Variants in KPNA7 observed in about 807,000 individuals in gnomAD.
KPNA7 encodes the protein importin subunit alpha-8.
In KPNA7, 54 loss-of-function variants were observed where a neutral mutation model predicts 53.7. The observed-to-expected ratio is 1.01, with a 90% CI of 0.81 to 1.26. The LOEUF (loss-of-function observed/expected upper bound fraction) is 1.26, where lower values mean the gene tolerates loss of function less well. Among genes scored for constraint, KPNA7 ranks in the 50% most tolerant of loss-of-function variants. The probability of loss-of-function intolerance (pLI) is 0.00; values close to 1 mark genes in which losing one functional copy is unlikely to be tolerated. For synonymous variants in KPNA7, 276 were observed against 259.3 expected (o/e 1.06, Z -0.62); for missense variants, 640 against 644.5 (o/e 0.99, Z 0.07).
Position 99,195,207 on chromosome 7 carries a change from G to A in KPNA7, c.416C>T (p.Thr139Ile), listed in dbSNP as rs1336097278. Residue 139 changes from threonine (T) to isoleucine (I), a missense_variant, in exon 5 of 11, where the codon ACC (threonine) becomes ATC (isoleucine). Physicochemically the swap from Thr to Ile is moderately conservative, Grantham distance 89. Transcript: ENST00000327442. ...CTCCGAAGTCCCTGAAGCGATGTTGGTCAGGGCCCAGGCAGCCTCAAACTG... is the reference window on the plus strand; with the variant it reads ...CTCCGAAGTCCCTGAAGCGATGTTGATCAGGGCCCAGGCAGCCTCAAACTG... ...CLQFEAAWAL[T>I]NIASGTSEQT... The A allele has an allele frequency of 6.4e-7, 1 of 1,551,622 alleles. No individual in the cohort carries two copies. Among genetic ancestry groups the A allele is most frequent in the Non-Finnish European group, 8.7e-7 (1 of 1,146,992 alleles).
At chr7:99,200,548 A>T (rs1306010457) in intron 3 of KPNA7, among the ~76,000 whole-genome samples, 1 of 152,246 alleles carries the variant, frequency 6.6e-6, no homozygotes, top group African/African-American at 2.4e-5. Flanking sequence ...AGAGTGAAAC[A>T]GGCTTAGTTC....
intron 3 of KPNA7, among the ~76,000 whole-genome samples, chr7:99,197,028 AC>A (rs1790264589): frequency 7.8e-6 from 1 of 128,430 alleles, no homozygotes; most frequent in African/African-American, 2.8e-5. Flanking sequence ...AAAAACAACA[AC>A]AACAACAACA....
the KPNA7 span, among the ~76,000 whole-genome samples, chr7:99,151,677 A>G: frequency 6.6e-6 from 1 of 151,762 alleles, no homozygotes; most frequent in Admixed American, 6.6e-5. Flanking sequence ...GGCTGGTCTC[A>G]AACCCATGGG....
chr7:99,173,665 T>C lies in KPNA7; in HGVS notation c.*43A>G, dbSNP rs745830416. ...GGACTGCTGCTTCTTAAAGAAGTTA[T>C]CCTTTAGCACTGGGTTGTTGGTTTA... is the stretch of plus-strand genomic sequence containing the variant. On this transcript the variant is annotated 3_prime_UTR_variant, in exon 11 of 11. Transcript: ENST00000327442. 1 of 1,268,030 alleles carries C rather than the reference T, an allele frequency of 7.9e-7. No individual in the cohort carries two copies. Among genetic ancestry groups the C allele is most frequent in the Non-Finnish European group, 1.1e-6 (1 of 895,052 alleles). 78.5% of individuals were successfully genotyped at this position (1,268,030 alleles called of 1,614,324 possible). A position where few individuals can be genotyped will look rare whatever the true frequency, so the allele number is the denominator to read the frequency against.
At chr7:99,168,007 G>A in the KPNA7 span, among the ~76,000 whole-genome samples, 52 of 62,566 alleles carry the variant, frequency 8.3e-4, no homozygotes, top group Non-Finnish European at 1.2e-3. Flanking sequence ...CCCTCTATCC[G>A]TAGAAAAATT....
At chr7:99,174,476 T>C (rs1485830586) in intron 10 of KPNA7, among the ~76,000 whole-genome samples, 2 of 152,196 alleles carry the variant, frequency 1.3e-5, no homozygotes, top group East Asian at 1.9e-4. Flanking sequence ...AAAATTTGTC[T>C]TTCACAAAAA....
chr7:99,155,041 T>G, the KPNA7 span, among the ~76,000 whole-genome samples: 2 of 152,104 alleles, frequency 1.3e-5, no homozygotes, highest in African/African-American at 2.4e-5. Flanking sequence ...TATATGTGTA[T>G]ATTATATATA....
chr7:99,152,091 G>A, the KPNA7 span, among the ~76,000 whole-genome samples: 2 of 152,138 alleles, frequency 1.3e-5, no homozygotes, highest in Admixed American at 6.6e-5. Flanking sequence ...AGCTGAGGCA[G>A]GAATATCACT....
At chr7:99,194,964 G>A in intron 5 of KPNA7, 106 bp downstream of exon 5, 2 of 1,315,276 alleles carry the variant, frequency 1.5e-6, no homozygotes, top group Non-Finnish European at 2.1e-6. Context: ...GTATTTACAT[G>A]GCAAAGTGTT....
At chr7:99,183,397 AAAAAC>A (rs368953357) in intron 8 of KPNA7, among the ~76,000 whole-genome samples, 88 of 152,306 alleles carry the variant, frequency 5.8e-4, no homozygotes, top group Middle Eastern at 3.4e-3. Flanking sequence ...CCTCAGCATA[AAAAAC>A]AAAACAAAAC....
intron 5 of KPNA7, among the ~76,000 whole-genome samples, chr7:99,194,704 A>T (rs990569691): frequency 6.6e-6 from 1 of 152,118 alleles, no homozygotes; most frequent in African/African-American, 2.4e-5. Context: ...CCCAGGTTCA[A>T]GCGATTCTCC....
the KPNA7 span, among the ~76,000 whole-genome samples, chr7:99,152,038 G>C: frequency 6.6e-6 from 1 of 152,088 alleles, no homozygotes; most frequent in Non-Finnish European, 1.5e-5. Context: ...CAAAAAATTA[G>C]CCGGGCATGG....
chr7:99,146,734 A>C, the KPNA7 span, among the ~76,000 whole-genome samples: 3 of 140,660 alleles, frequency 2.1e-5, no homozygotes, highest in African/African-American at 5.7e-5. Flanking sequence ...AAAAAAAAAA[A>C]AAAAAAAAAA....
chr7:99,208,310 C>T (rs1249763194), upstream of KPNA7, among the ~76,000 whole-genome samples: 1 of 152,068 alleles, frequency 6.6e-6, no homozygotes, highest in African/African-American at 2.4e-5. Flanking sequence ...GGCTGGAGTG[C>T]GGTGGCGCAA....
intron 3 of KPNA7, among the ~76,000 whole-genome samples, chr7:99,202,381 T>A (rs1790580946): frequency 6.6e-6 from 1 of 152,026 alleles, no homozygotes; most frequent in Non-Finnish European, 1.5e-5. Flanking sequence ...AGGATCTGCA[T>A]TTAATAAGGT....
At chr7:99,186,665 C>A (rs1321663086) in intron 7 of KPNA7, among the ~76,000 whole-genome samples, 1 of 151,876 alleles carries the variant, frequency 6.6e-6, no homozygotes, top group East Asian at 1.9e-4. Context: ...ATTTCTTGAA[C>A]CCAGGAGACA....
At chr7:99,205,799 C>T (rs1055167776) in intron 2 of KPNA7, among the ~76,000 whole-genome samples, 1 of 152,130 alleles carries the variant, frequency 6.6e-6, no homozygotes, top group Admixed American at 6.6e-5. Context: ...TGCAGTGAGC[C>T]AAGATCACAC....
intron 5 of KPNA7, among the ~76,000 whole-genome samples, chr7:99,193,544 A>G (rs948222551): frequency 6.6e-6 from 1 of 152,218 alleles, no homozygotes; most frequent in South Asian, 2.1e-4. Flanking sequence ...CTAGAAGTCT[A>G]TTTGTATTTG....
intron 6 of KPNA7, among the ~76,000 whole-genome samples, chr7:99,192,084 A>G (rs1789985919): frequency 6.6e-6 from 1 of 152,220 alleles, no homozygotes; most frequent in Non-Finnish European, 1.5e-5. Flanking sequence ...CCTCAAAAGA[A>G]GAGCCTGTTC....
Sources: gnomAD v4.1 joint callset for allele counts (sites outside exome capture counted in the v4.1 genomes callset) on GRCh38, gnomAD v4.1.1 for gene constraint, MANE v1.5 for transcripts, NCBI Gene and HGNC (gene_info 2026-07-23, HGNC 2026-07-21) for gene names.